Variants in PARD3B observed in about 807,000 individuals in gnomAD.
PARD3B encodes par-3 family cell polarity regulator beta.
In PARD3B, 103 loss-of-function variants were observed where a neutral mutation model predicts 130.2. That is an observed-to-expected ratio of 0.79 (90% CI 0.67 to 0.93). The LOEUF is 0.93. PARD3B is among the 40% of genes least tolerant of loss of function. PARD3B has a pLI of 0.00. For missense variants in PARD3B, 1,609 were observed against 1,499.2 expected, an observed-to-expected ratio of 1.07 and a Z score of -1.21; for synonymous variants, 583 against 553.2, an observed-to-expected ratio of 1.05 and a Z score of -0.76.
chr2:205,054,432 ATATATTTTTTT>A lies in PARD3B; in HGVS notation c.504+6744_504+6754del, dbSNP rs1412111484. On this transcript the variant is annotated intron_variant, in intron 4 of 22. Coordinates refer to ENST00000406610, the MANE Select transcript of PARD3B (RefSeq NM_001302769.2). ...TATATATATATATATATATATATAT[ATATATTTTTTT>A]TTTTTTTTTTTTTTAATTATACTCT... Among the ~76,000 whole-genome samples the A allele has an allele frequency of 8.8e-3, 273 of 30,976 alleles. 2 individuals are homozygous for A. Among genetic ancestry groups the A allele is most frequent in the South Asian group, 0.024 (13 of 540 alleles). The allele number at this position is 30,976 out of a possible 152,430, so 20.3% of individuals were successfully genotyped here.
intron 2 of PARD3B, among the ~76,000 whole-genome samples, chr2:204,879,892 TCC>T (rs1430583499): frequency 6.6e-6 from 1 of 152,220 alleles, no homozygotes; most frequent in Non-Finnish European, 1.5e-5. Flanking sequence ...GGATTGAGTA[TCC>T]AACAGAAGTC....
Position 205,224,385 on chromosome 2 carries a change from A to AAAAAAG in PARD3B, c.2141-21390_2141-21389insAAGAAA, listed in dbSNP as rs1164513653. 2.4e-4 allele frequency among the ~76,000 whole-genome samples: 36 copies of AAAAAAG among 147,576 alleles called. 2 individuals carry two copies. Among genetic ancestry groups the AAAAAAG allele is most frequent in the African/African-American group, 5.5e-4 (22 of 39,660 alleles). Reference sequence around the variant, plus strand: ...GACTCCGTCTCAAAAAAAAAAAAAAAAAAGAAAGAAAGAAAGAAAAAGAAA... The same window carrying AAAAAAG: ...GACTCCGTCTCAAAAAAAAAAAAAAAAAAAAGAAAGAAAGAAAGAAAGAAAAAGAAA... On this transcript the variant is annotated intron_variant, in intron 15 of 22. Coordinates refer to ENST00000406610, the MANE Select transcript of PARD3B (RefSeq NM_001302769.2).
rs1437076286 is a variant in PARD3B, at chr2:204,887,780, G to A, written c.223-77372G>A. Among the ~76,000 whole-genome samples, 22 of 152,068 alleles carry A rather than the reference G, an allele frequency of 1.4e-4. No individual in the cohort carries two copies. The highest frequency in any genetic ancestry group is 4.4e-5 in the Non-Finnish European group (3 of 68,030). On this transcript the variant is annotated intron_variant, in intron 2 of 22. Coordinates refer to ENST00000406610, the MANE Select transcript of PARD3B (RefSeq NM_001302769.2). The surrounding 1 kb of genome is among the most constrained non-coding windows in gnomAD (Gnocchi z 4.2). The stretch of plus-strand genomic sequence containing the variant: ...ATGAGCACACATGTAAAACCAAATA[G>A]CGATACAAGGCAACCCTACCAGAGG...
rs1403912759 is a variant in PARD3B, at chr2:205,352,791, C to G, written c.2631-48222C>G. ...GTCATTTTCAGCCCCTGACTTGTTC[C>G]TGGGGCTGCTGATTCATCTGTTTTC... is the stretch of plus-strand genomic sequence containing the variant. On this transcript the variant is annotated intron_variant, in intron 18 of 22. Coordinates refer to ENST00000406610, the MANE Select transcript of PARD3B (RefSeq NM_001302769.2). This position sits in a 1 kb window ranked among gnomAD's most constrained non-coding sequence, Gnocchi z 5.2. Among the ~76,000 whole-genome samples the G allele has an allele frequency of 2.0e-5, 3 of 152,144 alleles. No individual in the cohort carries two copies. Among genetic ancestry groups the G allele is most frequent in the Non-Finnish European group, 4.4e-5 (3 of 68,042 alleles).
chr2:205,199,154 T>A (rs2036852589), intron 15 of PARD3B, among the ~76,000 whole-genome samples: 3 of 152,170 alleles, frequency 2.0e-5, no homozygotes, highest in Admixed American at 2.0e-4. Context: ...ATTAAGTGCC[T>A]ACTGTGTGCC....
At chr2:205,251,093 A>T (rs542458893) in intron 16 of PARD3B, among the ~76,000 whole-genome samples, 3 of 152,274 alleles carry the variant, frequency 2.0e-5, no homozygotes, top group South Asian at 4.1e-4. Flanking sequence ...CATGACACAC[A>T]CACATATCAA....
intron 3 of PARD3B, among the ~76,000 whole-genome samples, chr2:205,022,926 C>T (rs1303323761): frequency 4.6e-5 from 7 of 152,150 alleles, no homozygotes; most frequent in Admixed American, 4.6e-4. Flanking sequence ...CTGTGCCAGG[C>T]ACTAAGCTGG....
At chr2:204,914,825 G>A (rs1039459753) in intron 2 of PARD3B, among the ~76,000 whole-genome samples, 1 of 152,252 alleles carries the variant, frequency 6.6e-6, no homozygotes, top group East Asian at 1.9e-4. Flanking sequence ...GTGGTGCCTG[G>A]AGCAGGGGAC....
chr2:204,550,412 CTGTGTGTGTGTG>C (rs3051346), intron 1 of PARD3B, among the ~76,000 whole-genome samples: 14 of 144,392 alleles, frequency 9.7e-5, no homozygotes, highest in East Asian at 2.1e-4. Context: ...GGAGGGCTGA[CTGTGTGTGTGTG>C]TGTGTGTGTG....
intron 4 of PARD3B, among the ~76,000 whole-genome samples, chr2:205,067,639 A>C (rs370143493): frequency 2.6e-5 from 4 of 152,112 alleles, no homozygotes; most frequent in Non-Finnish European, 5.9e-5. Flanking sequence ...TTACCTATAA[A>C]TTTTTTAAGT....
chr2:205,609,472 A>G (rs555942431), intron 22 of PARD3B, among the ~76,000 whole-genome samples: 46 of 152,280 alleles, frequency 3.0e-4, no homozygotes, highest in African/African-American at 9.9e-4. Context: ...GTTTTACATC[A>G]TGTTACTTCC....
intron 1 of PARD3B, among the ~76,000 whole-genome samples, chr2:204,634,089 C>T (rs2034788119): frequency 6.6e-6 from 1 of 152,110 alleles, no homozygotes; most frequent in African/African-American, 2.4e-5. Context: ...TTCTTTCTAA[C>T]TATTTTTTTG....
intron 1 of PARD3B, among the ~76,000 whole-genome samples, chr2:204,551,819 G>C (rs1190101016): frequency 6.6e-6 from 1 of 152,164 alleles, no homozygotes; most frequent in African/African-American, 2.4e-5. Flanking sequence ...TCAGATTTTT[G>C]TGAGACTATT....
In PARD3B at chr2:205,558,601, A is replaced by G. The variant is rs1016482874; in HGVS notation, c.3260+5198A>G. On this transcript the variant is annotated intron_variant, in intron 22 of 22. Coordinates refer to ENST00000406610, the MANE Select transcript of PARD3B (RefSeq NM_001302769.2). The surrounding 1 kb of genome is among the most constrained non-coding windows in gnomAD (Gnocchi z 4.8). Reference sequence around the variant, plus strand: ...CACTCACACTATAGCCTCTTGCCCCAGGCTTCTGCCCACACCACTGATACT... The same window carrying G: ...CACTCACACTATAGCCTCTTGCCCCGGGCTTCTGCCCACACCACTGATACT... 1.5e-4 allele frequency among the ~76,000 whole-genome samples: 23 copies of G among 152,090 alleles called. No homozygotes were observed. The highest frequency in any genetic ancestry group is 5.6e-4 in the African/African-American group (23 of 41,408).
chr2:205,551,860 G>A (rs1464898263), intron 21 of PARD3B, among the ~76,000 whole-genome samples: 1 of 152,058 alleles, frequency 6.6e-6, no homozygotes, highest in African/African-American at 2.4e-5. Flanking sequence ...GTGCTTACTG[G>A]CAAAATCTCT....
At chr2:204,981,674 C>G (rs184107235) in intron 3 of PARD3B, among the ~76,000 whole-genome samples, 1 of 152,276 alleles carries the variant, frequency 6.6e-6, no homozygotes, top group Non-Finnish European at 1.5e-5. Context: ...TTAGTTTATA[C>G]ACTAGTGTGA....
chr2:204,631,632 T>A (rs1280931130), intron 1 of PARD3B, among the ~76,000 whole-genome samples: 1 of 152,240 alleles, frequency 6.6e-6, no homozygotes, highest in African/African-American at 2.4e-5. Flanking sequence ...AGTATTGTTA[T>A]CCTATCATCA....
At chr2:204,834,384 A>T (rs899490047) in intron 2 of PARD3B, among the ~76,000 whole-genome samples, 1 of 152,172 alleles carries the variant, frequency 6.6e-6, no homozygotes, top group African/African-American at 2.4e-5. Flanking sequence ...TAATCACTGG[A>T]AATAGAAGTA....
At chr2:204,816,092 C>T (rs1200327099) in intron 2 of PARD3B, among the ~76,000 whole-genome samples, 3 of 152,000 alleles carry the variant, frequency 2.0e-5, no homozygotes, top group Admixed American at 6.6e-5. Context: ...GATTTATACT[C>T]TCATCTGTAG....
Sources: gnomAD v4.1 joint callset for allele counts (sites outside exome capture counted in the v4.1 genomes callset) on GRCh38, gnomAD v4.1.1 for gene constraint, Gnocchi (gnomAD v3.1) non-coding constraint, MANE v1.5 for transcripts, NCBI Gene and HGNC (gene_info 2026-07-23, HGNC 2026-07-21) for gene names.